PRPSAP2: variants seen among roughly 807,000 people sequenced by gnomAD.
PRPSAP2 encodes phosphoribosyl pyrophosphate synthase-associated protein 2.
In PRPSAP2, 24 loss-of-function variants were observed where a neutral mutation model predicts 40.6. That is an observed-to-expected ratio of 0.59 (90% CI 0.43 to 0.83). The LOEUF (loss-of-function observed/expected upper bound fraction) is 0.83, where lower values mean the gene tolerates loss of function less well. PRPSAP2 is among the 40% of genes least tolerant of loss of function. The pLI is 0.00. For missense variants in PRPSAP2, 292 were observed against 465.6 expected (o/e 0.63, Z 3.43); for synonymous variants, 149 against 164.7 (o/e 0.90, Z 0.73).
At chr17:18,880,327 T>C (rs1261986138) in intron 6 of PRPSAP2, among the ~76,000 whole-genome samples, 1 of 152,172 alleles carries the variant, frequency 6.6e-6, no homozygotes, top group Non-Finnish European at 1.5e-5. Context: ...TTCCTTACAC[T>C]TTTCTGGTGA....
At chr17:18,928,488 A>G in intron 10 of PRPSAP2, 1 of 309,144 alleles carries the variant, frequency 3.2e-6, no homozygotes, top group Non-Finnish European at 6.3e-6. Context: ...TACCTCCATC[A>G]TTTCTGGTGT....
chr17:18,905,266 T>C (rs922837473), intron 8 of PRPSAP2, among the ~76,000 whole-genome samples: 1 of 152,158 alleles, frequency 6.6e-6, no homozygotes, highest in African/African-American at 2.4e-5. Context: ...CCTCAGGTGA[T>C]CCACCTGCCT....
At chr17:18,925,364 C>T (rs899401392) in intron 10 of PRPSAP2, among the ~76,000 whole-genome samples, 1 of 152,216 alleles carries the variant, frequency 6.6e-6, no homozygotes, top group Non-Finnish European at 1.5e-5. Flanking sequence ...GTGAAAGCTG[C>T]CCATCTTGAT....
intron 5 of PRPSAP2, among the ~76,000 whole-genome samples, chr17:18,876,416 C>T (rs959782308): frequency 2.0e-5 from 3 of 152,146 alleles, no homozygotes; most frequent in African/African-American, 7.2e-5. Flanking sequence ...TTTAACTCAT[C>T]AGATGTCAGA....
chr17:18,907,491 G>A (rs928381786), intron 8 of PRPSAP2, among the ~76,000 whole-genome samples: 4 of 152,194 alleles, frequency 2.6e-5, no homozygotes, highest in Admixed American at 2.0e-4. Flanking sequence ...ATAGAATAAG[G>A]AGACTGAAAA....
At chr17:18,890,238 C>T (rs531680729) in intron 8 of PRPSAP2, among the ~76,000 whole-genome samples, 7 of 152,028 alleles carry the variant, frequency 4.6e-5, no homozygotes, top group Admixed American at 6.6e-5. Flanking sequence ...GGCGCGATCT[C>T]GGCTCACCAC....
intron 4 of PRPSAP2, among the ~76,000 whole-genome samples, 166 bp downstream of exon 4, chr17:18,867,500 A>G (rs769755637): frequency 2.6e-5 from 4 of 152,190 alleles, no homozygotes; most frequent in Non-Finnish European, 5.9e-5. Context: ...GCTCTCACTA[A>G]TACCAGCTAG....
intron 9 of PRPSAP2, among the ~76,000 whole-genome samples, chr17:18,914,842 G>A (rs189114832): frequency 2.9e-4 from 43 of 150,620 alleles, no homozygotes; most frequent in African/African-American, 8.8e-4. Context: ...CTCATGCCTC[G>A]GCCTCCTGAG....
chr17:18,876,421 G>A (rs2038302497), intron 5 of PRPSAP2, among the ~76,000 whole-genome samples: 1 of 152,088 alleles, frequency 6.6e-6, no homozygotes, highest in South Asian at 2.1e-4. Context: ...CTCATCAGAT[G>A]TCAGACTTGT....
At chr17:18,869,865 T>TGTGA (rs745428673) in intron 4 of PRPSAP2, among the ~76,000 whole-genome samples, 1 of 147,772 alleles carries the variant, frequency 6.8e-6, no homozygotes, top group Non-Finnish European at 1.5e-5. Flanking sequence ...TGTGTGTGTG[T>TGTGA]GAGACAGAGT....
At chr17:18,922,668 ATTTT>A (rs57263191) in intron 9 of PRPSAP2, among the ~76,000 whole-genome samples, 78 of 89,818 alleles carry the variant, frequency 8.7e-4, no homozygotes, top group African/African-American at 2.2e-3. Context: ...TATATATATA[ATTTT>A]TTTTTTTTTT....
intron 8 of PRPSAP2, among the ~76,000 whole-genome samples, chr17:18,894,137 G>A (rs2039761200): frequency 6.6e-6 from 1 of 151,520 alleles, no homozygotes; most frequent in Non-Finnish European, 1.5e-5. Context: ...ACAGACGTGA[G>A]CCACCATGCA....
At chr17:18,863,056 G>A (rs571659749) in intron 1 of PRPSAP2, among the ~76,000 whole-genome samples, 16 of 152,082 alleles carry the variant, frequency 1.1e-4, no homozygotes, top group Non-Finnish European at 2.1e-4. Context: ...TCCTGACCTC[G>A]TGATCCACCT....
rs374596090 is a variant in PRPSAP2, at chr17:18,882,643, T to C, written c.488T>C (p.Leu163Ser). The C allele has an allele frequency of 1.9e-6, 3 of 1,603,156 alleles. No individual in the cohort carries two copies. The highest frequency in any genetic ancestry group is 1.3e-5 in the African/African-American group (1 of 74,672). The change falls in exon 7 of 12, where the codon TTA becomes TCA. Residue 163 changes from leucine to serine, a missense_variant. Physicochemically the swap from Leu to Ser is moderately radical, Grantham distance 145. This residue lies in a region of PRPSAP2 where 241 missense variants were observed against 425.7 expected (regional missense o/e 0.57). Transcript: ENST00000268835. ...QGFFNIPVDN[L>S]RASPFLLQYI... Reference sequence around the variant, plus strand: ...TTCTTCAATATTCCTGTTGACAATTTAAGAGCATCTCCCTTCTTATTACAG... The same window carrying C: ...TTCTTCAATATTCCTGTTGACAATTCAAGAGCATCTCCCTTCTTATTACAG...
upstream of PRPSAP2, chr17:18,857,856 A>G (rs967717321): frequency 1.3e-5 from 2 of 152,246 alleles, no homozygotes; most frequent in African/African-American, 4.8e-5. Context: ...GAACCCAGGT[A>G]TTTGTAATTC....
intron 9 of PRPSAP2, among the ~76,000 whole-genome samples, chr17:18,921,554 T>A (rs1034005309): frequency 6.6e-6 from 1 of 152,212 alleles, no homozygotes; most frequent in East Asian, 1.9e-4. Context: ...TCTCTTTCAA[T>A]CTAGAGCAGT....
intron 4 of PRPSAP2, among the ~76,000 whole-genome samples, chr17:18,871,014 G>A (rs2037821952): frequency 6.6e-6 from 1 of 151,746 alleles, no homozygotes; most frequent in Non-Finnish European, 1.5e-5. Flanking sequence ...TTGTCCTAAA[G>A]GGTCTTTTAT....
intron 8 of PRPSAP2, among the ~76,000 whole-genome samples, chr17:18,903,222 G>GTTCAAGAAC (rs2040388180): frequency 4.6e-5 from 7 of 151,898 alleles, no homozygotes; most frequent in African/African-American, 1.7e-4. Context: ...GAGGTCAGGA[G>GTTCAAGAAC]AATTGCTTGA....
intron 6 of PRPSAP2, among the ~76,000 whole-genome samples, chr17:18,880,324 C>T (rs918737960): frequency 6.6e-6 from 1 of 152,190 alleles, no homozygotes; most frequent in Non-Finnish European, 1.5e-5. Flanking sequence ...ATTTTCCTTA[C>T]ACTTTTCTGG....
Sources: gnomAD v4.1 joint callset for allele counts (sites outside exome capture counted in the v4.1 genomes callset) on GRCh38, gnomAD v4.1.1 for gene constraint, gnomAD v4.1.1 regional missense constraint, MANE v1.5 for transcripts, NCBI Gene and HGNC (gene_info 2026-07-23, HGNC 2026-07-21) for gene names.